ODC1: variants seen among roughly 807,000 people sequenced by gnomAD.
The protein encoded by ODC1 is ornithine decarboxylase.
Under a neutral mutation model 41.5 loss-of-function variants are expected in ODC1, and 18 were observed. The observed-to-expected ratio is 0.43, with a 90% CI of 0.30 to 0.64. The LOEUF (loss-of-function observed/expected upper bound fraction) is 0.64. ODC1 is among the 30% of genes least tolerant of loss of function. The pLI, the probability that ODC1 is intolerant of heterozygous loss-of-function variation, is 0.11. For missense variants in ODC1, 504 were observed against 589.0 expected (o/e 0.86, Z 1.49); for synonymous variants, 218 against 211.6 (o/e 1.03, Z -0.26).
chr2:10,448,261 G>A lies in ODC1; in HGVS notation c.-268C>T, dbSNP rs1672105568. The A allele has an allele frequency of 8.8e-6, 2 of 227,188 alleles. No homozygotes were observed. Among genetic ancestry groups the A allele is most frequent in the East Asian group, 8.8e-5 (1 of 11,408 alleles). The allele number at this position is 227,188 out of a possible 1,614,324, so 14.1% of individuals were successfully genotyped here. On this transcript the variant is annotated 5_prime_UTR_variant, in exon 1 of 12. Coordinates refer to ENST00000234111, the MANE Select transcript of ODC1 (RefSeq NM_002539.3). The stretch of plus-strand genomic sequence containing the variant: ...CCGCCCGCCGGAGACGCCGGCCCGA[G>A]GTGGCGCCGGAGCTGCTGGCAGAGG...
intron 11 of ODC1, among the ~76,000 whole-genome samples, 180 bp downstream of exon 11, chr2:10,441,329 T>C (rs1424131541): frequency 2.6e-5 from 4 of 152,214 alleles, no homozygotes; most frequent in Non-Finnish European, 5.9e-5. Context: ...GGCATGAACT[T>C]AAATATATTC....
chr2:10,444,199 T>C lies in ODC1; in HGVS notation c.345A>G (p.Lys115=). The change falls in exon 5 of 12, where the codon AAA becomes AAG. Residue 115 remains lysine, a synonymous_variant. Transcript: ENST00000234111. ...CAGCATACTTAATTTGAGATACTTG[T>C]TTACAAGGATTTGCATAGATAATCC... ...PERIIYANPC[K]QVSQIKYAAN... is the part of the protein sequence containing the mutation. 1 of 1,613,020 alleles carries C rather than the reference T, an allele frequency of 6.2e-7. No homozygotes were observed. Among genetic ancestry groups the C allele is most frequent in the Non-Finnish European group, 8.5e-7 (1 of 1,179,722 alleles).
chr2:10,442,111 T>C lies in ODC1; in HGVS notation c.814A>G (p.Ile272Val), dbSNP rs1366244342. 8 of 1,614,170 alleles carry C rather than the reference T, an allele frequency of 5.0e-6. No homozygotes were observed. The highest frequency in any genetic ancestry group is 1.7e-5 in the Admixed American group (1 of 60,008). The stretch of plus-strand genomic sequence containing the variant: ...ACATAGTATCTGCCGGGCTCAGCTA[T>C]GATTCTCACTCCAGAGTCTGACGGA... ...YFPSDSGVRIIAEPGRYYVAS... is the reference protein window; with the variant it reads ...YFPSDSGVRIVAEPGRYYVAS... The change falls in exon 9 of 12, where the codon ATA becomes GTA. Residue 272 changes from isoleucine (I) to valine (V), a missense_variant. Coordinates refer to ENST00000234111, the MANE Select transcript of ODC1 (RefSeq NM_002539.3).
intron 3 of ODC1, 32 bp from the exon 4 acceptor site, chr2:10,444,679 A>G: frequency 6.3e-7 from 1 of 1,589,162 alleles, no homozygotes; most frequent in South Asian, 1.1e-5. Flanking sequence ...GTGACTCACT[A>G]GCAGCCTCAC....
chr2:10,445,668 C>T (rs775022012), intron 1 of ODC1, among the ~76,000 whole-genome samples: 15 of 152,174 alleles, frequency 9.9e-5, no homozygotes, highest in Non-Finnish European at 2.1e-4. Flanking sequence ...CAGAGTCTCA[C>T]GCTGTCACCC....
At chr2:10,446,273 A>ACCGG (rs1672010432) in intron 1 of ODC1, among the ~76,000 whole-genome samples, 1 of 151,882 alleles carries the variant, frequency 6.6e-6, no homozygotes, top group South Asian at 2.1e-4. Flanking sequence ...AGCTGGGATT[A>ACCGG]CCGGCATGTG....
intron 1 of ODC1, among the ~76,000 whole-genome samples, chr2:10,445,552 TC>T (rs1671984904): frequency 6.6e-6 from 1 of 152,206 alleles, no homozygotes; most frequent in Non-Finnish European, 1.5e-5. Flanking sequence ...TGCACTTAGC[TC>T]ACTGATATGG....
In ODC1 at chr2:10,441,547, C is replaced by T. The variant is rs748121589; in HGVS notation, c.1203G>A (p.Gln401=). Residue 401 remains glutamine (Q), a synonymous_variant, in exon 11 of 12, where the codon CAG becomes CAA. Transcript: ENST00000234111. ...ACATCACATAGTAGATCGTCGGCCT[C>T]TGGAAGCCATTGAACGTAGAGGCAG... ...VAAASTFNGF[Q]RPTIYYVMSG... is the part of the protein sequence containing the mutation. The T allele has an allele frequency of 6.2e-7, 1 of 1,614,170 alleles. No homozygotes were observed. The highest frequency in any genetic ancestry group is 1.7e-5 in the Admixed American group (1 of 60,012).
intron 8 of ODC1, 55 bp downstream of exon 8, chr2:10,443,175 C>CA: frequency 7.1e-7 from 1 of 1,409,266 alleles, no homozygotes; most frequent in Non-Finnish European, 9.9e-7. Flanking sequence ...TGAAATATTC[C>CA]AAAAAGGAAT....
chr2:10,443,999 G>A, intron 5 of ODC1, 96 bp downstream of exon 5: 1 of 1,466,466 alleles, frequency 6.8e-7, no homozygotes, highest in African/African-American at 1.4e-5. Flanking sequence ...TTCTACTAAA[G>A]TATAGAAATA....
In ODC1 at chr2:10,448,290, G is replaced by A. The variant is rs1305354504; in HGVS notation, c.-297C>T. The A allele has an allele frequency of 3.7e-5, 9 of 246,376 alleles. 1 individual carries two copies. In the South Asian group the frequency reaches 9.2e-4, roughly 25 times the overall value. 15.3% of individuals were successfully genotyped at this position (246,376 alleles called of 1,614,324 possible). On this transcript the variant is annotated 5_prime_UTR_variant, in exon 1 of 12. Coordinates refer to ENST00000234111, the MANE Select transcript of ODC1 (RefSeq NM_002539.3). ...GCGCCGGAGCTGCTGGCAGAGGGGC[G>A]GCGGGCGGCGGCGGCGGCGGCTACA...
At chr2:10,441,748 A>G (rs1671828098) in intron 10 of ODC1, 25 bp from the exon 11 acceptor site, 2 of 1,612,510 alleles carry the variant, frequency 1.2e-6, no homozygotes, top group African/African-American at 2.7e-5. Context: ...GGAGAGAGGA[A>G]GTACTACTTA....
chr2:10,446,758 G>A (rs537359517), intron 1 of ODC1: 40 of 466,302 alleles, frequency 8.6e-5, no homozygotes, highest in South Asian at 5.8e-4. Context: ...GGGCACAGAG[G>A]CCAGGCAATG....
At position 10,444,276 on chromosome 2, in the gene ODC1, G is replaced by C; in HGVS notation, c.277-9C>G. The C allele has an allele frequency of 1.3e-6, 2 of 1,566,426 alleles. No individual in the cohort carries two copies. Among genetic ancestry groups the C allele is most frequent in the Non-Finnish European group, 8.6e-7 (1 of 1,159,822 alleles). ...ACCAACTGTATTTCAGTCTGAAAAA[G>C]AAGAGTGGTGTCATGCTATCCATAT... On this transcript the variant is annotated splice_polypyrimidine_tract_variant and intron_variant, in intron 4 of 11. Transcript: ENST00000234111.
chr2:10,443,425 T>C, intron 7 of ODC1, 65 bp downstream of exon 7: 1 of 1,569,644 alleles, frequency 6.4e-7, no homozygotes, highest in East Asian at 2.3e-5. Context: ...AAGTTAACTC[T>C]AGAATTAAGA....
At chr2:10,446,570 AAAAC>A (rs1311197400) in intron 1 of ODC1, 10 of 181,450 alleles carry the variant, frequency 5.5e-5, no homozygotes, top group African/African-American at 2.4e-4. Flanking sequence ...CCAAAAAAGA[AAAAC>A]AAGCAAGAAC....
At chr2:10,443,971 AT>A in intron 5 of ODC1, 123 bp downstream of exon 5, 1 of 1,458,228 alleles carries the variant, frequency 6.9e-7, no homozygotes, top group African/African-American at 1.4e-5. Context: ...TCATGACTCA[AT>A]GGGGGTTTCA....
rs1671836127 is a variant in ODC1, at chr2:10,441,927, C to T, written c.916G>A (p.Glu306Lys). The T allele has an allele frequency of 1.9e-6, 3 of 1,613,906 alleles. No individual in the cohort carries two copies. The highest frequency in any genetic ancestry group is 2.5e-6 in the Non-Finnish European group (3 of 1,179,870). Residue 306 changes from glutamate (E) to lysine (K), a missense_variant and splice_region_variant, in exon 10 of 12, where the codon GAA becomes AAA. Coordinates refer to ENST00000234111, the MANE Select transcript of ODC1 (RefSeq NM_002539.3). Reference sequence around the variant, plus strand: ...AAGGTCTGCTCACTCGACTCATCTTCGTCTAGAAAGGCAGATCAACAATCT... The same window carrying T: ...AAGGTCTGCTCACTCGACTCATCTTTGTCTAGAAAGGCAGATCAACAATCT... Reference protein sequence around the residue: ...VLKEQTGSDDEDESSEQTFMY... With the variant: ...VLKEQTGSDDKDESSEQTFMY...
At chr2:10,445,661 A>T (rs1002798401) in intron 1 of ODC1, among the ~76,000 whole-genome samples, 2 of 152,166 alleles carry the variant, frequency 1.3e-5, no homozygotes, top group Non-Finnish European at 2.9e-5. Flanking sequence ...TTTGAGACAG[A>T]GTCTCACGCT....
Sources: allele counts gnomAD v4.1 joint callset (sites outside exome capture counted in the v4.1 genomes callset), GRCh38; gene constraint gnomAD v4.1.1; transcripts MANE v1.5; gene names NCBI Gene and HGNC (gene_info 2026-07-23, HGNC 2026-07-21).